Variants in BCAR3 observed in about 807,000 individuals in gnomAD.
BCAR3 encodes breast cancer anti-estrogen resistance protein 3.
Under a neutral mutation model 80.1 loss-of-function variants are expected in BCAR3, and 37 were observed. The observed-to-expected ratio is 0.46, with a 90% CI of 0.36 to 0.61. BCAR3 has a LOEUF of 0.61. Ranked by LOEUF, BCAR3 falls within the 20% of genes least tolerant of loss-of-function variation. BCAR3 has a pLI of 0.00. For synonymous variants in BCAR3, 389 were observed against 418.9 expected (o/e 0.93, Z 0.87); for missense variants, 978 against 1,068.2 (o/e 0.92, Z 1.18).
At chr1:93,771,660 A>C (rs1386711244) in intron 2 of BCAR3, among the ~76,000 whole-genome samples, 3 of 152,226 alleles carry the variant, frequency 2.0e-5, no homozygotes, top group Non-Finnish European at 2.9e-5. Context: ...TAGAGCTGTC[A>C]GGGACCTGCA....
chr1:93,804,258 C>T (rs1653588490), intron 2 of BCAR3, among the ~76,000 whole-genome samples: 1 of 152,196 alleles, frequency 6.6e-6, no homozygotes, highest in South Asian at 2.1e-4. Context: ...TATGCCTAAC[C>T]TACAGCCATT....
intron 3 of BCAR3, among the ~76,000 whole-genome samples, chr1:93,634,262 T>C (rs528652114): frequency 1.1e-3 from 168 of 152,322 alleles, no homozygotes; most frequent in African/African-American, 4.0e-3. Flanking sequence ...TTTGGCTGTG[T>C]CCCCACCCAA....
At chr1:93,745,092 C>A (rs1011025313) in intron 2 of BCAR3, among the ~76,000 whole-genome samples, 1 of 152,262 alleles carries the variant, frequency 6.6e-6, no homozygotes, top group Admixed American at 6.5e-5. Flanking sequence ...CAGCAACTCT[C>A]TTTCCCACAG....
At chr1:93,576,816 C>CGTT (rs1673478166) in intron 7 of BCAR3, among the ~76,000 whole-genome samples, 1 of 152,144 alleles carries the variant, frequency 6.6e-6, no homozygotes, top group African/African-American at 2.4e-5. Flanking sequence ...TTAGTTATTA[C>CGTT]AATGTCATGG....
chr1:93,713,565 A>C (rs990342486), intron 2 of BCAR3, among the ~76,000 whole-genome samples: 5 of 152,198 alleles, frequency 3.3e-5, no homozygotes, highest in African/African-American at 1.2e-4. Flanking sequence ...GAGAAGTCTT[A>C]CTGAAGCAAG....
At chr1:93,671,170 T>C (rs1473321665) in intron 2 of BCAR3, among the ~76,000 whole-genome samples, 5 of 152,078 alleles carry the variant, frequency 3.3e-5, no homozygotes, top group Admixed American at 3.3e-4. Context: ...TTTTTTTGTA[T>C]TTTTAGTAGA....
chr1:93,706,721 T>G (rs557802127), intron 2 of BCAR3, among the ~76,000 whole-genome samples: 1 of 152,354 alleles, frequency 6.6e-6, no homozygotes, highest in East Asian at 1.9e-4. Flanking sequence ...GCCTGGCACA[T>G]AGTAAGTGCT....
At chr1:93,841,104 G>T (rs981169782) in intron 2 of BCAR3, among the ~76,000 whole-genome samples, 1 of 152,158 alleles carries the variant, frequency 6.6e-6, no homozygotes, top group African/African-American at 2.4e-5. Flanking sequence ...GGCTGCAGAA[G>T]AATGTCTGGG....
upstream of BCAR3, among the ~76,000 whole-genome samples, chr1:93,685,891 T>C (rs1648956822): frequency 6.6e-6 from 1 of 152,192 alleles, no homozygotes; most frequent in Non-Finnish European, 1.5e-5. Context: ...AGGATGCTTA[T>C]ATTTTCATGT....
chr1:93,598,679 C>T (rs1307962705), intron 3 of BCAR3, among the ~76,000 whole-genome samples: 1 of 152,182 alleles, frequency 6.6e-6, no homozygotes, highest in Non-Finnish European at 1.5e-5. Context: ...GCTCCCTGTC[C>T]CTCCCAGCTT....
At chr1:93,846,596 G>A (rs1655197650) in intron 1 of BCAR3, among the ~76,000 whole-genome samples, 1 of 152,060 alleles carries the variant, frequency 6.6e-6, no homozygotes. Context: ...CAGGCCCGCT[G>A]CCGTCCCCAC....
chr1:93,840,733 T>C (rs886182542), intron 2 of BCAR3, among the ~76,000 whole-genome samples: 5 of 152,206 alleles, frequency 3.3e-5, no homozygotes, highest in Non-Finnish European at 7.3e-5. Context: ...GTGTACATGA[T>C]ATTCTGCCAA....
intron 3 of BCAR3, among the ~76,000 whole-genome samples, chr1:93,689,291 A>G (rs1302606324): frequency 6.6e-6 from 1 of 152,174 alleles, no homozygotes; most frequent in Non-Finnish European, 1.5e-5. Flanking sequence ...GTTCGAGACC[A>G]GCCTGGCCAA....
intron 2 of BCAR3, among the ~76,000 whole-genome samples, chr1:93,806,860 G>A (rs370485678): frequency 5.9e-5 from 9 of 152,282 alleles, no homozygotes; most frequent in Non-Finnish European, 8.8e-5. Context: ...GCTCATACCT[G>A]TAATTCCAGC....
chr1:93,784,324 T>C (rs951073155), intron 2 of BCAR3, among the ~76,000 whole-genome samples: 4 of 152,082 alleles, frequency 2.6e-5, no homozygotes, highest in African/African-American at 7.2e-5. Flanking sequence ...TTTAGGATTA[T>C]GGTTATTGAT....
At chr1:93,760,756 C>T (rs968801453) in intron 2 of BCAR3, among the ~76,000 whole-genome samples, 28 of 152,310 alleles carry the variant, frequency 1.8e-4, no homozygotes, top group Non-Finnish European at 3.8e-4. Flanking sequence ...TCCCAGCAAA[C>T]ATAGGTGAGC....
At chr1:93,776,509 AT>A (rs1455453723) in intron 2 of BCAR3, among the ~76,000 whole-genome samples, 5 of 152,194 alleles carry the variant, frequency 3.3e-5, no homozygotes, top group Admixed American at 2.0e-4. Context: ...AAGTATTCAA[AT>A]TTTCAAACAA....
chr1:93,707,540 T>C (rs1442606534), intron 2 of BCAR3, among the ~76,000 whole-genome samples: 1 of 151,728 alleles, frequency 6.6e-6, no homozygotes, highest in Non-Finnish European at 1.5e-5. Flanking sequence ...TGAAACCTCA[T>C]CTCTAAAAAT....
chr1:93,787,149 G>A (rs1160318265), intron 2 of BCAR3, among the ~76,000 whole-genome samples: 1 of 152,166 alleles, frequency 6.6e-6, no homozygotes. Flanking sequence ...TAAGCAGTCC[G>A]TGTCTTGTCA....
Sources: gnomAD v4.1 joint callset for allele counts (sites outside exome capture counted in the v4.1 genomes callset) on GRCh38, gnomAD v4.1.1 for gene constraint, MANE v1.5 for transcripts, NCBI Gene and HGNC (gene_info 2026-07-23, HGNC 2026-07-21) for gene names.